The following GRIN1 variants were observed in gnomAD, a reference collection of about 807,000 sequenced individuals.
GRIN1 encodes the protein glutamate ionotropic receptor NMDA type subunit 1, also known as glutamate receptor ionotropic, NMDA 1.
In GRIN1, 38 loss-of-function variants were observed where a neutral mutation model predicts 103.0. The ratio of observed to expected loss-of-function variants is 0.37; its 90% CI spans 0.28 to 0.48. The LOEUF (loss-of-function observed/expected upper bound fraction) is 0.48. Among genes scored for constraint, GRIN1 ranks in the 20% least tolerant of loss-of-function variants. The pLI is 0.98. For missense variants in GRIN1, 577 were observed against 1,288.9 expected (o/e 0.45, Z 8.46); for synonymous variants, 544 against 532.7 (o/e 1.02, Z -0.29).
At chr9:137,158,306 G>T in intron 6 of GRIN1, 73 bp from the exon 7 acceptor site, 1 of 1,520,000 alleles carries the variant, frequency 6.6e-7, no homozygotes, top group Non-Finnish European at 9.1e-7. Context: ...GGGAGAAGCA[G>T]CAGGGGGAAG....
intron 2 of GRIN1, among the ~76,000 whole-genome samples, chr9:137,143,610 G>A (rs1466370472): frequency 1.3e-5 from 2 of 152,144 alleles, no homozygotes; most frequent in African/African-American, 4.8e-5. Flanking sequence ...CCTTACCACA[G>A]TCTCTACACT....
chr9:137,166,645 C>T (rs1285836584), intron 19 of GRIN1, among the ~76,000 whole-genome samples: 2 of 152,268 alleles, frequency 1.3e-5, no homozygotes, highest in Admixed American at 6.5e-5. Context: ...TGCTCAGCTT[C>T]CTGGGGAAGG....
intron 4 of GRIN1, 43 bp downstream of exon 4, chr9:137,149,152 C>T (rs1025031171): frequency 1.8e-5 from 24 of 1,335,366 alleles, no homozygotes; most frequent in East Asian, 2.4e-5. Flanking sequence ...CAGGATGGTA[C>T]CTGAGCCAAG....
chr9:137,139,831 C>A lies in GRIN1; in HGVS notation c.258+87C>A, dbSNP rs1832066972. ...CAGTTTCATTCCATCCTTTCCGTGC[C>A]CCCTTCCTCCCTGTAAGACACCACC... On this transcript the variant is annotated intron_variant, in intron 1 of 19. Transcript: ENST00000371561. This position sits in a 1 kb window ranked among gnomAD's most constrained non-coding sequence, Gnocchi z 7.7. 2.8e-6 allele frequency: 3 copies of A among 1,069,822 alleles called. No individual in the cohort carries two copies. In the Admixed American group the frequency reaches 5.2e-5, roughly 18 times the overall value. The allele number at this position is 1,069,822 out of a possible 1,614,324, so 66.3% of individuals were successfully genotyped here.
chr9:137,146,197 C>T lies in GRIN1; in HGVS notation c.570+295C>T, dbSNP rs1006612434. On this transcript the variant is annotated intron_variant, in intron 3 of 19. Coordinates refer to ENST00000371561, the MANE Select transcript of GRIN1 (RefSeq NM_007327.4). This position sits in a 1 kb window ranked among gnomAD's most constrained non-coding sequence, Gnocchi z 6.7. Reference sequence around the variant, plus strand: ...CTCGTCCCCTCCTCCTGCCCATGCCCCTCGCTCCCTGGAGGCCCCAGCCGG... The same window carrying T: ...CTCGTCCCCTCCTCCTGCCCATGCCTCTCGCTCCCTGGAGGCCCCAGCCGG... Among the ~76,000 whole-genome samples the T allele has an allele frequency of 7.9e-4, 120 of 152,254 alleles. 1 individual carries two copies. Among genetic ancestry groups the T allele is most frequent in the African/African-American group, 2.7e-3 (112 of 41,544 alleles).
At chr9:137,148,269 G>T in intron 3 of GRIN1, 2 of 1,253,934 alleles carry the variant, frequency 1.6e-6, no homozygotes, top group African/African-American at 3.0e-5. Flanking sequence ...TGGCCTCGGC[G>T]CCTCGGCCAC....
intron 2 of GRIN1, among the ~76,000 whole-genome samples, chr9:137,142,938 G>A (rs1832257507): frequency 6.6e-6 from 1 of 152,248 alleles, no homozygotes; most frequent in African/African-American, 2.4e-5. Flanking sequence ...AGCTGGAAGA[G>A]AGGAGGGTCA....
Position 137,168,731 on chromosome 9 carries a change from G to T in GRIN1, c.*1204G>T. 1.4e-6 allele frequency: 1 copy of T among 707,862 alleles called. No individual in the cohort carries two copies. The highest frequency in any genetic ancestry group is 1.9e-6 in the Non-Finnish European group (1 of 520,100). The allele number at this position is 707,862 out of a possible 1,614,324, so 43.8% of individuals were successfully genotyped here. ...ACCCCCACCTCCCGGTGTATGCAGTGGTGATGCCTAAAGGAATGTCACGCA... is the reference window on the plus strand; with the variant it reads ...ACCCCCACCTCCCGGTGTATGCAGTTGTGATGCCTAAAGGAATGTCACGCA... On this transcript the variant is annotated 3_prime_UTR_variant, in exon 20 of 20. Transcript: ENST00000371561.
chr9:137,162,640 C>G lies in GRIN1; in HGVS notation c.1914C>G (p.Gly638=). The G allele has an allele frequency of 6.2e-7, 1 of 1,612,730 alleles. No homozygotes were observed. Among genetic ancestry groups the G allele is most frequent in the Non-Finnish European group, 8.5e-7 (1 of 1,179,734 alleles). Residue 638 remains glycine (G), a synonymous_variant, in exon 14 of 20, where the codon GGC becomes GGG. Transcript: ENST00000371561. The stretch of plus-strand genomic sequence containing the variant: ...GCATCCTGGGCATGGTGTGGGCCGG[C>G]TTTGCCATGATCATCGTGGCCTCCT... ...SARILGMVWA[G]FAMIIVASYT...
chr9:137,162,764 G>A (rs775622360), intron 14 of GRIN1, 25 bp downstream of exon 14: 4 of 1,601,088 alleles, frequency 2.5e-6, no homozygotes, highest in Non-Finnish European at 3.4e-6. Context: ...GGCTGGGGGA[G>A]GGAATGCGAG....
chr9:137,155,575 C>A (rs1833168469), intron 4 of GRIN1, among the ~76,000 whole-genome samples: 1 of 150,358 alleles, frequency 6.7e-6, no homozygotes, highest in Admixed American at 6.6e-5. Flanking sequence ...TCCACCCAAC[C>A]CTGCTGCCCA....
intron 3 of GRIN1, chr9:137,148,066 G>A: frequency 2.3e-6 from 2 of 854,656 alleles, no homozygotes; most frequent in South Asian, 3.0e-5. Context: ...CGAGGAGGTG[G>A]TGTGATTGCT....
intron 2 of GRIN1, among the ~76,000 whole-genome samples, chr9:137,144,244 G>A (rs563790095): frequency 2.0e-5 from 3 of 152,192 alleles, no homozygotes; most frequent in Admixed American, 6.5e-5. Flanking sequence ...CTCCATTTCC[G>A]AGATTATATG....
At chr9:137,145,075 A>G (rs371472923) in intron 2 of GRIN1, among the ~76,000 whole-genome samples, 72 of 7,150 alleles carry the variant, frequency 0.01, 3 homozygotes, top group Non-Finnish European at 0.015. Context: ...GTGTCCCCAG[A>G]GGGGTGGGGA....
Position 137,161,361 on chromosome 9 carries a change from A to G in GRIN1, c.1412A>G (p.Asn471Ser). The G allele has an allele frequency of 6.2e-7, 1 of 1,612,396 alleles. No homozygotes were observed. The highest frequency in any genetic ancestry group is 8.5e-7 in the Non-Finnish European group (1 of 1,179,800). The change falls in exon 10 of 20, where the codon AAC becomes AGC. Residue 471 changes from asparagine (N) to serine (S), a missense_variant. Coordinates refer to ENST00000371561, the MANE Select transcript of GRIN1 (RefSeq NM_007327.4). ...DLLIKLARTM[N>S]FTYEVHLVAD... Reference sequence around the variant, plus strand: ...CTCATCAAGCTGGCACGGACCATGAACTTCACCTACGAGGTGCACCTGGTG... The same window carrying G: ...CTCATCAAGCTGGCACGGACCATGAGCTTCACCTACGAGGTGCACCTGGTG...
chr9:137,154,571 G>A lies in GRIN1; in HGVS notation c.672-2098G>A, dbSNP rs370951651. On this transcript the variant is annotated intron_variant, in intron 4 of 19. Transcript: ENST00000371561. ...CAGATTCAACCGATTCTCCTGCCAC[G>A]GCCTCCCGAGTAGCTGGGATTACAG... 4.2e-3 allele frequency among the ~76,000 whole-genome samples: 619 copies of A among 145,788 alleles called. 3 individuals are homozygous for A. Among genetic ancestry groups the A allele is most frequent in the African/African-American group, 0.015 (591 of 39,084 alleles).
At chr9:137,149,541 T>G (rs1639521078) in intron 4 of GRIN1, among the ~76,000 whole-genome samples, 1 of 152,182 alleles carries the variant, frequency 6.6e-6, no homozygotes, top group Admixed American at 6.5e-5. Flanking sequence ...ATTTCCCAAC[T>G]GAAGGATTGC....
At chr9:137,154,727 C>T (rs1399159511) in intron 4 of GRIN1, among the ~76,000 whole-genome samples, 1 of 152,192 alleles carries the variant, frequency 6.6e-6, no homozygotes, top group Non-Finnish European at 1.5e-5. Flanking sequence ...GCTGGGATTA[C>T]AGGCATCAGT....
intron 3 of GRIN1, among the ~76,000 whole-genome samples, chr9:137,148,390 G>T (rs997437285): frequency 1.3e-5 from 2 of 152,188 alleles, no homozygotes; most frequent in Non-Finnish European, 2.9e-5. Context: ...GGCGGCGTGG[G>T]TGCCTGAGGC....
Sources: gnomAD v4.1 joint callset for allele counts (sites outside exome capture counted in the v4.1 genomes callset) on GRCh38, gnomAD v4.1.1 for gene constraint, Gnocchi (gnomAD v3.1) non-coding constraint, MANE v1.5 for transcripts, NCBI Gene and HGNC (gene_info 2026-07-23, HGNC 2026-07-21) for gene names.